The following ATOSB variants were observed in gnomAD, a reference collection of about 807,000 sequenced individuals.
ATOSB encodes the protein atos homolog B, also known as atos homolog protein B.
chr9:35,107,980 C>A, the ATOSB span: 29 of 1,599,112 alleles, frequency 1.8e-5, no homozygotes, highest in Non-Finnish European at 2.4e-5. Context: ...AAGAGCCCCA[C>A]AGTAGATGGT....
the ATOSB span, chr9:35,111,339 C>T: frequency 6.2e-6 from 1 of 160,200 alleles, no homozygotes; most frequent in Non-Finnish European, 1.4e-5. Flanking sequence ...GTCCCGGTCC[C>T]TCCCCTTGGT....
chr9:35,111,901 G>A, the ATOSB span, among the ~76,000 whole-genome samples: 6 of 152,036 alleles, frequency 3.9e-5, no homozygotes, highest in African/African-American at 1.4e-4. Context: ...TTACCCCTCC[G>A]CCCTACTCCC....
At chr9:35,107,364 G>A in the ATOSB span, 6 of 1,587,826 alleles carry the variant, frequency 3.8e-6, no homozygotes, top group Non-Finnish European at 5.1e-6. Context: ...AGTAAATGAG[G>A]TCCTTTATTG....
chr9:35,111,268 C>A, the ATOSB span: 1 of 153,430 alleles, frequency 6.5e-6, no homozygotes. Context: ...AGCACACTCA[C>A]CCCGCTCCCA....
chr9:35,112,837 C>T, the ATOSB span, among the ~76,000 whole-genome samples: 2 of 151,940 alleles, frequency 1.3e-5, no homozygotes, highest in African/African-American at 2.4e-5. Context: ...GTGCTGTGGA[C>T]CCCCCAGGGC....
the ATOSB span, among the ~76,000 whole-genome samples, chr9:35,115,195 C>CT: frequency 1.3e-5 from 2 of 152,064 alleles, no homozygotes. Context: ...CCAAAATAGA[C>CT]TGAGGAGACA....
At chr9:35,108,040 G>C in the ATOSB span, 1 of 1,539,738 alleles carries the variant, frequency 6.5e-7, no homozygotes, top group African/African-American at 1.4e-5. Context: ...CCTCTCTTCA[G>C]CTCCCGGGGA....
the ATOSB span, chr9:35,107,466 C>T: frequency 6.2e-7 from 1 of 1,611,318 alleles, no homozygotes. Context: ...AGTAGGGTGG[C>T]CCAGGGATCC....
At chr9:35,106,000 C>T in the ATOSB span, 2 of 1,613,550 alleles carry the variant, frequency 1.2e-6, no homozygotes, top group Non-Finnish European at 1.7e-6. The surrounding 1 kb of genome is among the most constrained non-coding windows in gnomAD (Gnocchi z 5.5). Context: ...GGGTTCAGAT[C>T]CACGATGCCC....
the ATOSB span, chr9:35,108,213 G>A: frequency 1.4e-5 from 23 of 1,588,784 alleles, no homozygotes; most frequent in East Asian, 2.3e-5. Context: ...CCTGACTGGA[G>A]GCTGTGAAGG....
At chr9:35,115,396 A>G in the ATOSB span, among the ~76,000 whole-genome samples, 1 of 151,956 alleles carries the variant, frequency 6.6e-6, no homozygotes, top group Admixed American at 6.5e-5. Flanking sequence ...CTAAACTGTT[A>G]CTTTGTCAAA....
the ATOSB span, chr9:35,105,687 G>A: frequency 6.2e-7 from 1 of 1,613,436 alleles, no homozygotes; most frequent in African/African-American, 1.3e-5. The surrounding 1 kb of genome is among the most constrained non-coding windows in gnomAD (Gnocchi z 5.5). Context: ...CTCACCTGAG[G>A]TGCAGCAAGT....
the ATOSB span, chr9:35,105,429 T>C: frequency 1.3e-6 from 2 of 1,559,258 alleles, no homozygotes; most frequent in Non-Finnish European, 1.7e-6. This position sits in a 1 kb window ranked among gnomAD's most constrained non-coding sequence, Gnocchi z 5.5. Context: ...CAGTGGCTCA[T>C]GCCTGTAATT....
the ATOSB span, chr9:35,108,384 G>T: frequency 3.0e-5 from 43 of 1,417,888 alleles, no homozygotes; most frequent in Non-Finnish European, 3.7e-5. Flanking sequence ...GTGGTCAGGG[G>T]AATCAATGAG....
chr9:35,106,595 G>C, the ATOSB span: 3 of 1,566,584 alleles, frequency 1.9e-6, no homozygotes, highest in African/African-American at 1.3e-5. The surrounding 1 kb of genome is among the most constrained non-coding windows in gnomAD (Gnocchi z 4.6). Flanking sequence ...GGGAGGCACT[G>C]GGGGGGCTCA....
the ATOSB span, chr9:35,110,577 G>C: frequency 6.6e-6 from 1 of 152,422 alleles, no homozygotes; most frequent in Non-Finnish European, 1.5e-5. Flanking sequence ...GCAGGGGAGG[G>C]GGGCAGGGCA....
the ATOSB span, chr9:35,107,743 C>T: frequency 0.013 from 20,909 of 1,580,486 alleles, 188 homozygotes; most frequent in Middle Eastern, 0.038. Context: ...CCTGGAGGGG[C>T]TGGCCCTGGG....
chr9:35,111,671 C>T, the ATOSB span: 2 of 152,120 alleles, frequency 1.3e-5, no homozygotes, highest in African/African-American at 2.4e-5. Flanking sequence ...TACGCCCTCC[C>T]TGGAAAGCGA....
chr9:35,106,628 G>A, the ATOSB span: 3 of 1,553,676 alleles, frequency 1.9e-6, no homozygotes, highest in Non-Finnish European at 2.6e-6. The surrounding 1 kb of genome is among the most constrained non-coding windows in gnomAD (Gnocchi z 4.6). Context: ...CCTTCCGGAG[G>A]CTTCGAAGGG....
Sources: gnomAD v4.1 joint callset for allele counts (sites outside exome capture counted in the v4.1 genomes callset) on GRCh38, gnomAD v4.1.1 for gene constraint, Gnocchi (gnomAD v3.1) non-coding constraint, MANE v1.5 for transcripts, NCBI Gene and HGNC (gene_info 2026-07-23, HGNC 2026-07-21) for gene names.